The following METTL14 variants were observed in gnomAD, a reference collection of about 807,000 sequenced individuals.
METTL14 encodes the protein N(6)-adenosine-methyltransferase non-catalytic subunit METTL14.
In METTL14, 32 loss-of-function variants were observed where a neutral mutation model predicts 62.4. That is an observed-to-expected ratio of 0.51 (90% CI 0.39 to 0.69). The LOEUF is 0.69. METTL14 is among the 30% of genes least tolerant of loss of function. The pLI, the probability that METTL14 is intolerant of heterozygous loss-of-function variation, is 0.00. For synonymous variants in METTL14, 150 were observed against 180.0 expected (o/e 0.83, Z 1.34); for missense variants, 340 against 551.9 (o/e 0.62, Z 3.85).
At chr4:118,685,703 G>T (rs1158905060) in intron 1 of METTL14, 103 bp downstream of exon 1, 2 of 945,602 alleles carry the variant, frequency 2.1e-6, no homozygotes, top group Non-Finnish European at 1.7e-6. Context: ...TCTACCTGCC[G>T]CTGTTAAGGC....
intron 8 of METTL14, among the ~76,000 whole-genome samples, chr4:118,701,773 T>A (rs1390399211): frequency 6.6e-6 from 1 of 152,182 alleles, no homozygotes; most frequent in East Asian, 1.9e-4. Flanking sequence ...TTGAAAAATT[T>A]AAGTAGGATT....
chr4:118,704,051 G>T lies in METTL14; in HGVS notation c.855G>T (p.Lys285Asn). The change falls in exon 9 of 11, where the codon AAG becomes AAT. Residue 285 changes from lysine to asparagine, a missense_variant and splice_region_variant. Transcript: ENST00000388822. ...LDPKAVFQRT[K>N]EHCLMGIKGT... ...CAAAGGCTGTCTTTCAGAGAACAAA[G>T]GTATTGCCTTTACTGATTTGTTTTT... The T allele has an allele frequency of 6.5e-7, 1 of 1,533,412 alleles. No individual in the cohort carries two copies. Among genetic ancestry groups the T allele is most frequent in the Non-Finnish European group, 8.9e-7 (1 of 1,127,388 alleles). The allele number at this position is 1,533,412 out of a possible 1,614,324, so 95.0% of individuals were successfully genotyped here.
chr4:118,705,228 A>G (rs1022673877), intron 9 of METTL14, among the ~76,000 whole-genome samples: 11 of 152,170 alleles, frequency 7.2e-5, no homozygotes, highest in Non-Finnish European at 1.3e-4. Context: ...TAATCCCAGC[A>G]CTTTGGGAGG....
At chr4:118,688,275 A>G (rs1724137407) in intron 2 of METTL14, among the ~76,000 whole-genome samples, 2 of 152,084 alleles carry the variant, frequency 1.3e-5, no homozygotes, top group African/African-American at 4.8e-5. Context: ...CATCTCTACT[A>G]AAAATACAAA....
Position 118,700,566 on chromosome 4 carries a change from T to C in METTL14, c.662T>C (p.Ile221Thr), listed in dbSNP as rs749635254. 1 of 1,612,962 alleles carries C rather than the reference T, an allele frequency of 6.2e-7. No homozygotes were observed. Residue 221 changes from isoleucine to threonine, a missense_variant, in exon 8 of 11, where the codon ATT becomes ACT. By Grantham distance (89) the Ile-to-Thr change is moderately conservative. Around this residue, in one of 7 missense-constraint regions of METTL14, gnomAD observed 58 missense variants for 147.5 expected, o/e 0.39. Coordinates refer to ENST00000388822, the MANE Select transcript of METTL14 (RefSeq NM_020961.4). ...WTWDDIMKLE[I>T]DEIAAPRSFI... ...TTCTTACAGATTATGAAGTTAGAAA[T>C]TGATGAGATTGCAGCACCTCGATCA... is the stretch of plus-strand genomic sequence containing the variant.
rs1360872711 is a variant in METTL14, at chr4:118,713,456, T to A, written c.*3154T>A. 2.6e-5 allele frequency: 4 copies of A among 152,236 alleles called. No individual in the cohort carries two copies. Among genetic ancestry groups the A allele is most frequent in the Admixed American group, 2.6e-4 (4 of 15,278 alleles). 9.4% of individuals were successfully genotyped at this position (152,236 alleles called of 1,614,324 possible). A position where few individuals can be genotyped will look rare whatever the true frequency, so the allele number is the denominator to read the frequency against. On this transcript the variant is annotated 3_prime_UTR_variant, in exon 11 of 11. Transcript: ENST00000388822. ...CTGTTTTCATCCTGAATTTAGAACA[T>A]AAGATTTAGCCTTTGAAGTATAGTT...
At chr4:118,688,108 T>A in intron 2 of METTL14, 97 bp downstream of exon 2, 1 of 965,004 alleles carries the variant, frequency 1.0e-6, no homozygotes, top group Non-Finnish European at 1.6e-6. Flanking sequence ...TGATTATGGC[T>A]CACTGCAGCC....
At position 118,685,567 on chromosome 4, in the gene METTL14, G is replaced by A; in HGVS notation, c.33G>A (p.Arg11=). 6.2e-7 allele frequency: 1 copy of A among 1,614,180 alleles called. No homozygotes were observed. The highest frequency in any genetic ancestry group is 8.5e-7 in the Non-Finnish European group (1 of 1,180,034). Residue 11 remains arginine, a synonymous_variant, in exon 1 of 11, where the codon CGG becomes CGA. Coordinates refer to ENST00000388822, the MANE Select transcript of METTL14 (RefSeq NM_020961.4). Reference sequence around the variant, plus strand: ...GCCGCTTGCAGGAGATCCGGGAGCGGCAGAAGTTACGGCGACAGCTCCTCG... The same window carrying A: ...GCCGCTTGCAGGAGATCCGGGAGCGACAGAAGTTACGGCGACAGCTCCTCG... MDSRLQEIRE[R]QKLRRQLLAQ... is the part of the protein sequence containing the mutation.
chr4:118,701,193 G>T (rs10213474), intron 8 of METTL14, among the ~76,000 whole-genome samples: 42,776 of 135,446 alleles, frequency 0.32, 7,068 homozygotes, highest in Non-Finnish European at 0.38. Flanking sequence ...GTTTTTTTTT[G>T]TTTTTTTGAG....
chr4:118,685,737 C>T (rs929504255), intron 1 of METTL14, 137 bp downstream of exon 1: 1 of 747,916 alleles, frequency 1.3e-6, no homozygotes, highest in East Asian at 2.7e-5. Context: ...CGATCTTGAT[C>T]CCTGGTTCTG....
rs1372886097 is a variant in METTL14, at chr4:118,713,990, G to A, written c.*3688G>A. On this transcript the variant is annotated 3_prime_UTR_variant, in exon 11 of 11. Coordinates refer to ENST00000388822, the MANE Select transcript of METTL14 (RefSeq NM_020961.4). ...GATAAAATATTAAAATGATCAGTTT[G>A]AGTGTATGTTAGAGTTCATGTTTCT... 1 of 152,162 alleles carries A rather than the reference G, an allele frequency of 6.6e-6. No homozygotes were observed. Among genetic ancestry groups the A allele is most frequent in the African/African-American group, 2.4e-5 (1 of 41,434 alleles). 9.4% of individuals were successfully genotyped at this position (152,162 alleles called of 1,614,324 possible).
At chr4:118,696,545 C>T (rs557353123) in intron 6 of METTL14, among the ~76,000 whole-genome samples, 1 of 151,762 alleles carries the variant, frequency 6.6e-6, no homozygotes, top group Non-Finnish European at 1.5e-5. Flanking sequence ...TTGTCTCAAA[C>T]AAACAAACAA....
In METTL14 at chr4:118,703,934, GT is replaced by G; in HGVS notation, c.739del (p.Cys247ValfsTer29). 1 of 1,505,938 alleles carries G rather than the reference GT, an allele frequency of 6.6e-7. No homozygotes were observed. The highest frequency in any genetic ancestry group is 9.0e-7 in the Non-Finnish European group (1 of 1,112,958). 93.3% of individuals were successfully genotyped at this position (1,505,938 alleles called of 1,614,324 possible). ...TGTGTTTAAAATTCTTTTGTTTCTA[GT>G]GTTTACGAAAATGGGGTTACAGAAG... Reference protein sequence around the residue: ...SGEGLDLGRVCLRKWGYRRCE... With the variant: ...SGEGLDLGRVXLRKWGYRRCE... On this transcript the variant is annotated frameshift_variant and splice_region_variant, in exon 9 of 11. Transcript: ENST00000388822. LOFTEE classifies it high-confidence loss of function.
At chr4:118,699,514 TAGCC>T (rs1487946792) in intron 7 of METTL14, among the ~76,000 whole-genome samples, 1 of 152,180 alleles carries the variant, frequency 6.6e-6, no homozygotes, top group African/African-American at 2.4e-5. Context: ...AATGTCTAGT[TAGCC>T]ATATCCTCAT....
intron 5 of METTL14, 22 bp from the exon 6 acceptor site, chr4:118,694,414 A>G (rs1487722010): frequency 6.3e-7 from 1 of 1,589,272 alleles, no homozygotes; most frequent in African/African-American, 1.4e-5. Context: ...TGAATTCAGA[A>G]TTTACTATTT....
chr4:118,701,176 T>TCTTTTG (rs1724576974), intron 8 of METTL14, among the ~76,000 whole-genome samples: 1 of 118,978 alleles, frequency 8.4e-6, no homozygotes, highest in Non-Finnish European at 2.0e-5. Flanking sequence ...TATTGGAGTT[T>TCTTTTG]TTTTTTGTTT....
In METTL14 at chr4:118,705,725, A is replaced by G. The variant is rs1467662850; in HGVS notation, c.970A>G (p.Ile324Val). The G allele has an allele frequency of 2.5e-6, 4 of 1,613,982 alleles. No homozygotes were observed. The Admixed American group carries it at 6.7e-5, about 27-fold the overall frequency. ...CACAGAAGAACCTGAAATTGGCAAT[A>G]TAGAAAAACCTGTAGAAATTTTTCA... ...IITEEPEIGNIEKPVEIFHII... is the reference protein window; with the variant it reads ...IITEEPEIGNVEKPVEIFHII... The change falls in exon 10 of 11, where the codon ATA becomes GTA. Residue 324 changes from isoleucine to valine, a missense_variant. Physicochemically the swap from Ile to Val is conservative, Grantham distance 29. Around this residue, in one of 7 missense-constraint regions of METTL14, gnomAD observed 62 missense variants for 82.3 expected, o/e 0.75. Transcript: ENST00000388822.
At chr4:118,688,436 C>T (rs1403700739) in intron 2 of METTL14, among the ~76,000 whole-genome samples, 11 of 102,406 alleles carry the variant, frequency 1.1e-4, no homozygotes, top group East Asian at 3.2e-4. Context: ...AGTGAGACTC[C>T]GTCTCAAAAA....
intron 7 of METTL14, among the ~76,000 whole-genome samples, chr4:118,698,402 A>G (rs989136296): frequency 6.7e-5 from 10 of 148,982 alleles, no homozygotes; most frequent in Non-Finnish European, 1.3e-4. Flanking sequence ...GCAGTGAGCC[A>G]AGATTGCGCC....
Sources: allele counts gnomAD v4.1 joint callset (sites outside exome capture counted in the v4.1 genomes callset), GRCh38; gene constraint gnomAD v4.1.1; regional missense constraint gnomAD v4.1.1; transcripts MANE v1.5; gene names NCBI Gene and HGNC (gene_info 2026-07-23, HGNC 2026-07-21).